Variants in AHCYL2 observed in about 807,000 individuals in gnomAD.
AHCYL2 encodes the protein adenosylhomocysteinase like 2.
Under a neutral mutation model 81.4 loss-of-function variants are expected in AHCYL2, and 28 were observed. That is an observed-to-expected ratio of 0.34 (90% CI 0.25 to 0.47). The LOEUF (loss-of-function observed/expected upper bound fraction) is 0.47. AHCYL2 is among the 20% of genes least tolerant of loss of function. The pLI is 1.00. For missense variants in AHCYL2, 551 were observed against 785.1 expected, an observed-to-expected ratio of 0.70 and a Z score of 3.56; for synonymous variants, 272 against 290.2, an observed-to-expected ratio of 0.94 and a Z score of 0.64.
chr7:129,308,540 C>T (rs1185939833), intron 1 of AHCYL2, among the ~76,000 whole-genome samples: 1 of 152,156 alleles, frequency 6.6e-6, no homozygotes, highest in Non-Finnish European at 1.5e-5. Flanking sequence ...TGTGATTGCT[C>T]ACATGATTTT....
In AHCYL2 at chr7:129,225,403, C is replaced by T. The variant is rs1420974879; in HGVS notation, c.327C>T (p.Asp109=). ...RDGGEALVSP[D]GTVTEAPRTV... is the part of the protein sequence containing the mutation. ...GCGGCGAGGCCCTGGTCAGCCCCGA[C>T]GGCACCGTCACCGAGGCGCCGCGCA... The change falls in exon 1 of 17, where the codon GAC becomes GAT. Residue 109 remains aspartate, a synonymous_variant. Coordinates refer to ENST00000325006, the MANE Select transcript of AHCYL2 (RefSeq NM_015328.4). 2.6e-6 allele frequency: 4 copies of T among 1,516,610 alleles called. No homozygotes were observed. The highest frequency in any genetic ancestry group is 2.0e-5 in the Admixed American group (1 of 49,310). 93.9% of individuals were successfully genotyped at this position (1,516,610 alleles called of 1,614,324 possible).
intron 12 of AHCYL2, among the ~76,000 whole-genome samples, chr7:129,421,682 A>G (rs1797125102): frequency 6.6e-6 from 1 of 152,262 alleles, no homozygotes; most frequent in African/African-American, 2.4e-5. Context: ...TTCTGAATGC[A>G]CTGAAATATA....
intron 1 of AHCYL2, among the ~76,000 whole-genome samples, chr7:129,245,552 T>C (rs1269185771): frequency 6.7e-6 from 1 of 149,994 alleles, no homozygotes; most frequent in African/African-American, 2.4e-5. Context: ...TTCTATTTTG[T>C]CTTTTATGAA....
At chr7:129,386,460 C>T (rs1363884033) in intron 2 of AHCYL2, among the ~76,000 whole-genome samples, 1 of 145,374 alleles carries the variant, frequency 6.9e-6, no homozygotes, top group African/African-American at 2.6e-5. Flanking sequence ...AAGACCCTGG[C>T]TCAAAAAAAA....
At chr7:129,312,761 G>A (rs1267641345) in intron 1 of AHCYL2, among the ~76,000 whole-genome samples, 3 of 152,060 alleles carry the variant, frequency 2.0e-5, no homozygotes, top group South Asian at 2.1e-4. Flanking sequence ...GACATTGAAC[G>A]TTCTCATCTC....
rs1045232305 is a variant in AHCYL2, at chr7:129,375,660, T to G, written c.364-3978T>G. The G allele has an allele frequency of 1.6e-5, 22 of 1,378,768 alleles. No homozygotes were observed. In the East Asian group the frequency reaches 5.8e-4, roughly 36 times the overall value. 85.4% of individuals were successfully genotyped at this position (1,378,768 alleles called of 1,614,324 possible). On this transcript the variant is annotated intron_variant, in intron 1 of 16. Transcript: ENST00000325006. ...GAATTAGGAATGGCTGTTGAGCCAC[T>G]AACAGAAATGCCTTATTAAATTGGG...
chr7:129,395,141 C>T (rs1174382408), intron 4 of AHCYL2, among the ~76,000 whole-genome samples: 4 of 152,248 alleles, frequency 2.6e-5, no homozygotes, highest in Admixed American at 1.3e-4. Flanking sequence ...CAGCAGTGGA[C>T]TGCTATAACC....
chr7:129,325,689 G>A (rs1798196652), intron 1 of AHCYL2, among the ~76,000 whole-genome samples: 1 of 150,590 alleles, frequency 6.6e-6, no homozygotes, highest in Admixed American at 6.6e-5. Flanking sequence ...GTTCATGAAT[G>A]TTCTGGGTTT....
chr7:129,398,742 G>T (rs942693870), intron 5 of AHCYL2, among the ~76,000 whole-genome samples: 1 of 151,862 alleles, frequency 6.6e-6, no homozygotes, highest in Non-Finnish European at 1.5e-5. Context: ...GGGCAAATGA[G>T]ACAATGTCCT....
At chr7:129,350,784 A>G (rs982179548) in intron 1 of AHCYL2, among the ~76,000 whole-genome samples, 1 of 148,070 alleles carries the variant, frequency 6.8e-6, no homozygotes, top group African/African-American at 2.5e-5. Context: ...GCTCACTGCA[A>G]TCTCTGTATC....
At chr7:129,286,828 A>T (rs947981474) in intron 1 of AHCYL2, among the ~76,000 whole-genome samples, 4 of 152,180 alleles carry the variant, frequency 2.6e-5, no homozygotes, top group African/African-American at 9.7e-5. Context: ...CTATATCAAT[A>T]CTTACAATGT....
intron 2 of AHCYL2, 29 bp downstream of exon 2, chr7:129,379,778 T>A: frequency 6.4e-7 from 1 of 1,567,258 alleles, no homozygotes; most frequent in Middle Eastern, 1.7e-4. Flanking sequence ...TGGACCCAGC[T>A]GTTGAGGCTA....
intron 1 of AHCYL2, among the ~76,000 whole-genome samples, chr7:129,362,631 TCA>T (rs1793975070): frequency 7.5e-6 from 1 of 134,078 alleles, no homozygotes; most frequent in Non-Finnish European, 1.6e-5. Context: ...TTTTATGGTC[TCA>T]GAGAATCTAG....
At chr7:129,351,887 A>G (rs1793578082) in intron 1 of AHCYL2, among the ~76,000 whole-genome samples, 1 of 152,222 alleles carries the variant, frequency 6.6e-6, no homozygotes, top group Admixed American at 6.5e-5. Context: ...CTAATGGTAT[A>G]TAAGCAATGA....
At chr7:129,371,673 A>G (rs1427843272) in intron 1 of AHCYL2, among the ~76,000 whole-genome samples, 1 of 152,168 alleles carries the variant, frequency 6.6e-6, no homozygotes, top group African/African-American at 2.4e-5. Flanking sequence ...AGTAACCTCG[A>G]CTGACATGCA....
chr7:129,282,849 T>C (rs907345457), intron 1 of AHCYL2, among the ~76,000 whole-genome samples: 1 of 152,006 alleles, frequency 6.6e-6, no homozygotes, highest in Non-Finnish European at 1.5e-5. Flanking sequence ...TTCAAAAACA[T>C]AGAGAGAAGA....
At chr7:129,275,108 C>T (rs573475303) in intron 1 of AHCYL2, among the ~76,000 whole-genome samples, 2 of 152,252 alleles carry the variant, frequency 1.3e-5, no homozygotes, top group South Asian at 2.1e-4. Flanking sequence ...CATGGCCAGG[C>T]GCAGTGGCTC....
At chr7:129,331,441 A>G (rs1798417389) in intron 1 of AHCYL2, among the ~76,000 whole-genome samples, 1 of 152,376 alleles carries the variant, frequency 6.6e-6, no homozygotes, top group South Asian at 2.1e-4. Context: ...AGTAGGATAC[A>G]TTTATTCAGT....
At chr7:129,225,796 A>G (rs1227327069) in intron 1 of AHCYL2, among the ~76,000 whole-genome samples, 4 of 152,208 alleles carry the variant, frequency 2.6e-5, no homozygotes, top group Non-Finnish European at 5.9e-5. Context: ...GATAGTATAG[A>G]AAAACCTTAC....
Sources: allele counts gnomAD v4.1 joint callset (sites outside exome capture counted in the v4.1 genomes callset), GRCh38; gene constraint gnomAD v4.1.1; transcripts MANE v1.5; gene names NCBI Gene and HGNC (gene_info 2026-07-23, HGNC 2026-07-21).